Variants in PCDHA5 observed in about 807,000 individuals in gnomAD.
The protein encoded by PCDHA5 is protocadherin alpha 5.
PCDHA5 carries 43 observed loss-of-function variants against 61.6 expected under a neutral mutation model. That is an observed-to-expected ratio of 0.70 (90% CI 0.55 to 0.90). PCDHA5 has a LOEUF of 0.90. PCDHA5 is among the 40% of genes least tolerant of loss of function. The pLI, the probability that PCDHA5 is intolerant of heterozygous loss-of-function variation, is 0.00. For synonymous variants in PCDHA5, 627 were observed against 543.9 expected, an observed-to-expected ratio of 1.15 and a Z score of -2.13; for missense variants, 1,298 against 1,222.7, an observed-to-expected ratio of 1.06 and a Z score of -0.92.
At chr5:140,896,673 G>T (rs962137649) in intron 1 of PCDHA5, among the ~76,000 whole-genome samples, 1 of 152,000 alleles carries the variant, frequency 6.6e-6, no homozygotes, top group African/African-American at 2.4e-5. Context: ...CACTGTGCCC[G>T]GCCCTTTGCC....
In PCDHA5 at chr5:140,856,671, AGTT is replaced by A. The variant is rs781932565; in HGVS notation, c.2352+32552_2352+32554del. 8 of 1,597,880 alleles carry A rather than the reference AGTT, an allele frequency of 5.0e-6. 1 individual carries two copies. The highest frequency in any genetic ancestry group is 4.5e-5 in the East Asian group (2 of 44,874). The stretch of plus-strand genomic sequence containing the variant: ...GATCGTGAAGAAAATCCTCAGCTAA[AGTT>A]GTTGTTGACAGCAACTGATGGAGGC... On this transcript the variant is annotated intron_variant, in intron 1 of 3. Transcript: ENST00000529859.
rs573633705 is a variant in PCDHA5, at chr5:140,978,668, C to T, written c.2353-281C>T. ...TGTTCTTCCCGTAGTGTTTTAAGAACACAGACATGTATTGGGCAAGGCAAA... is the reference window on the plus strand; with the variant it reads ...TGTTCTTCCCGTAGTGTTTTAAGAATACAGACATGTATTGGGCAAGGCAAA... On this transcript the variant is annotated intron_variant, in intron 1 of 3. Coordinates refer to ENST00000529859, the MANE Select transcript of PCDHA5 (RefSeq NM_018908.3). 4.6e-5 allele frequency among the ~76,000 whole-genome samples: 7 copies of T among 152,362 alleles called. No homozygotes were observed. The East Asian group carries it at 1.3e-3, about 29-fold the overall frequency.
intron 1 of PCDHA5, chr5:140,884,480 A>T (rs782532542): frequency 7.4e-6 from 12 of 1,613,662 alleles, no homozygotes; most frequent in Non-Finnish European, 9.3e-6. Flanking sequence ...GGGCAAGCCC[A>T]CTCTAGTGTG....
chr5:140,981,969 T>C (rs1438723039), intron 2 of PCDHA5, among the ~76,000 whole-genome samples: 1 of 152,146 alleles, frequency 6.6e-6, no homozygotes, highest in African/African-American at 2.4e-5. Context: ...ATAAAAGATA[T>C]AGAAAGAGTA....
intron 3 of PCDHA5, 39 bp from the exon 4 acceptor site, chr5:141,009,588 G>A: frequency 6.3e-7 from 1 of 1,598,586 alleles, no homozygotes; most frequent in Non-Finnish European, 8.5e-7. Context: ...AAGAGCATGT[G>A]TTGACCCTGT....
At chr5:140,974,931 A>G (rs555720345) in intron 1 of PCDHA5, among the ~76,000 whole-genome samples, 1 of 152,324 alleles carries the variant, frequency 6.6e-6, no homozygotes, top group African/African-American at 2.4e-5. Context: ...TGTTTAAAAC[A>G]CCACCTATTT....
chr5:140,895,603 T>C (rs2065070404), intron 1 of PCDHA5, among the ~76,000 whole-genome samples: 1 of 152,156 alleles, frequency 6.6e-6, no homozygotes, highest in African/African-American at 2.4e-5. Context: ...TTTGCAAAGA[T>C]TTTCTCATTG....
intron 1 of PCDHA5, among the ~76,000 whole-genome samples, chr5:140,957,371 T>G (rs1465346844): frequency 3.3e-5 from 5 of 152,206 alleles, no homozygotes; most frequent in Non-Finnish European, 7.4e-5. Context: ...AAACTTTTAT[T>G]ATAGTGTATT....
intron 3 of PCDHA5, among the ~76,000 whole-genome samples, chr5:140,988,382 T>C (rs2097295449): frequency 6.6e-6 from 1 of 152,148 alleles, no homozygotes; most frequent in African/African-American, 2.4e-5. Flanking sequence ...TGAAACTCAT[T>C]GTGTTTGCCA....
At chr5:140,968,660 C>T in intron 1 of PCDHA5, 1 of 1,614,166 alleles carries the variant, frequency 6.2e-7, no homozygotes, top group Non-Finnish European at 8.5e-7. Flanking sequence ...TGACCTGGAC[C>T]TCTTTAAGGT....
chr5:140,836,660 C>T (rs2150267117), intron 1 of PCDHA5: 1 of 1,613,436 alleles, frequency 6.2e-7, no homozygotes, highest in Non-Finnish European at 8.5e-7. Flanking sequence ...AGAGGGTGTG[C>T]TCTGGGGAGG....
intron 1 of PCDHA5, chr5:140,824,610 G>T (rs1426239014): frequency 1.9e-3 from 177 of 95,052 alleles, no homozygotes; most frequent in South Asian, 7.2e-3. Flanking sequence ...GCTAATTAAA[G>T]TTTTTTTTTT....
At chr5:140,982,234 A>C (rs1039012011) in intron 2 of PCDHA5, 1 of 643,856 alleles carries the variant, frequency 1.6e-6, no homozygotes. Flanking sequence ...AAAAAACAGA[A>C]TTGCCATAAA....
intron 1 of PCDHA5, chr5:140,928,218 A>G: frequency 6.2e-7 from 1 of 1,614,190 alleles, no homozygotes; most frequent in East Asian, 2.2e-5. Flanking sequence ...ATGACAATAC[A>G]CCAAACTTTC....
At chr5:140,865,351 A>G (rs1452149063) in intron 1 of PCDHA5, 4 of 152,204 alleles carry the variant, frequency 2.6e-5, no homozygotes, top group African/African-American at 7.2e-5. Context: ...GTATATTTAC[A>G]TATTGCAGGA....
intron 3 of PCDHA5, among the ~76,000 whole-genome samples, chr5:141,007,874 T>TA (rs2098349969): frequency 6.6e-6 from 1 of 152,244 alleles, no homozygotes; most frequent in African/African-American, 2.4e-5. Flanking sequence ...TCCTTTGTCT[T>TA]ACACTTCTTT....
chr5:140,949,961 G>A lies in PCDHA5; in HGVS notation c.2353-28988G>A, dbSNP rs373865946. ...TTGCATTTTTTAGTGGTTGCTGTAA[G>A]GATTACAGCATACATACTTAACTTT... On this transcript the variant is annotated intron_variant, in intron 1 of 3. Transcript: ENST00000529859. Among the ~76,000 whole-genome samples, 68 of 151,658 alleles carry A rather than the reference G, an allele frequency of 4.5e-4. 1 individual carries two copies. The East Asian group carries it at 0.012, about 28-fold the overall frequency.
At chr5:140,945,955 A>C (rs1174972799) in intron 1 of PCDHA5, among the ~76,000 whole-genome samples, 2 of 152,136 alleles carry the variant, frequency 1.3e-5, no homozygotes, top group African/African-American at 4.8e-5. Context: ...TGACCCTGAA[A>C]GCACAGGCAA....
chr5:140,840,432 C>T (rs1458512943), intron 1 of PCDHA5, among the ~76,000 whole-genome samples: 2 of 151,722 alleles, frequency 1.3e-5, no homozygotes, highest in Non-Finnish European at 2.9e-5. Flanking sequence ...TAGTTTAAAG[C>T]CGTGGAAATA....
Sources: gnomAD v4.1 joint callset for allele counts (sites outside exome capture counted in the v4.1 genomes callset) on GRCh38, gnomAD v4.1.1 for gene constraint, MANE v1.5 for transcripts, NCBI Gene and HGNC (gene_info 2026-07-23, HGNC 2026-07-21) for gene names.